The following MCMBP variants were observed in gnomAD, a reference collection of about 807,000 sequenced individuals.
The protein encoded by MCMBP is mini-chromosome maintenance complex-binding protein.
In MCMBP, 31 loss-of-function variants were observed where a neutral mutation model predicts 81.3. That is an observed-to-expected ratio of 0.38 (90% CI 0.29 to 0.51). The LOEUF (loss-of-function observed/expected upper bound fraction) is 0.51, where lower values mean the gene tolerates loss of function less well. Ranked by LOEUF, MCMBP falls within the 20% of genes least tolerant of loss-of-function variation. The pLI is 0.87. For synonymous variants in MCMBP, 267 were observed against 275.9 expected (o/e 0.97, Z 0.32); for missense variants, 645 against 772.1 (o/e 0.84, Z 1.95).
At chr10:119,843,498 G>C in intron 8 of MCMBP, 72 bp from the exon 9 acceptor site, 1 of 1,458,528 alleles carries the variant, frequency 6.9e-7, no homozygotes, top group Admixed American at 2.1e-5. Context: ...TGTGCATCTT[G>C]GAAAACAAAA....
chr10:119,852,410 G>A (rs12771459), intron 6 of MCMBP, among the ~76,000 whole-genome samples: 8,378 of 152,240 alleles, frequency 0.055, 423 homozygotes, highest in South Asian at 0.27. Flanking sequence ...GTGGTGGCTC[G>A]CGCCTGTTAT....
intron 2 of MCMBP, 47 bp from the exon 3 acceptor site, chr10:119,859,228 C>G: frequency 6.4e-7 from 1 of 1,563,362 alleles, no homozygotes; most frequent in Non-Finnish European, 8.7e-7. Context: ...CCTGTCTATA[C>G]AACATTAAGC....
chr10:119,852,763 C>A (rs556606962), intron 6 of MCMBP, among the ~76,000 whole-genome samples: 1 of 152,302 alleles, frequency 6.6e-6, no homozygotes, highest in East Asian at 1.9e-4. Context: ...GGTAAAGTAC[C>A]AGGCTTCTGT....
chr10:119,837,149 C>T, intron 12 of MCMBP, 120 bp from the exon 13 acceptor site: 2 of 1,022,660 alleles, frequency 2.0e-6, no homozygotes, highest in South Asian at 1.8e-5. Flanking sequence ...GTATGAGGCG[C>T]TGTCCAGTTT....
intron 12 of MCMBP, among the ~76,000 whole-genome samples, chr10:119,837,650 G>A (rs1476219941): frequency 3.9e-5 from 6 of 152,130 alleles, no homozygotes; most frequent in African/African-American, 1.4e-4. Flanking sequence ...CAGGCGTGAT[G>A]GCGGGTGCCT....
chr10:119,833,476 C>CAA (rs570174141), intron 14 of MCMBP, among the ~76,000 whole-genome samples: 1 of 85,136 alleles, frequency 1.2e-5, no homozygotes, highest in African/African-American at 4.3e-5. Flanking sequence ...CTCATCACTA[C>CAA]AAAAAAAAAA....
intron 15 of MCMBP, 102 bp from the exon 16 acceptor site, chr10:119,831,702 T>C: frequency 7.4e-7 from 1 of 1,353,304 alleles, no homozygotes; most frequent in Non-Finnish European, 1.0e-6. Flanking sequence ...CAGAGCACGT[T>C]AGGAGACAAG....
At chr10:119,872,481 C>A in intron 1 of MCMBP, 46 bp downstream of exon 1, 2 of 1,139,886 alleles carry the variant, frequency 1.8e-6, no homozygotes, top group Non-Finnish European at 2.2e-6. Flanking sequence ...CGGGGCCCGG[C>A]AAACTCGGCT....
Position 119,847,731 on chromosome 10 carries a change from G to A in MCMBP, c.727-18C>T, listed in dbSNP as rs1459830382. 1 of 1,415,734 alleles carries A rather than the reference G, an allele frequency of 7.1e-7. No homozygotes were observed. The highest frequency in any genetic ancestry group is 1.7e-5 in the Admixed American group (1 of 59,294). The allele number at this position is 1,415,734 out of a possible 1,614,324, so 87.7% of individuals were successfully genotyped here. A position where few individuals can be genotyped will look rare whatever the true frequency, so the allele number is the denominator to read the frequency against. ...TCATAAACCTAACAAGAGACCACAT[G>A]AAATCACACTGTTAGAACAGACACA... On this transcript the variant is annotated intron_variant, in intron 7 of 15. Coordinates refer to ENST00000369077, the MANE Select transcript of MCMBP (RefSeq NM_001256378.2).
At chr10:119,840,242 G>A (rs556835393) in intron 11 of MCMBP, among the ~76,000 whole-genome samples, 5 of 152,132 alleles carry the variant, frequency 3.3e-5, no homozygotes, top group African/African-American at 4.8e-5. Context: ...TGCTTCTTGA[G>A]GGCCTGGACG....
chr10:119,853,653 C>T lies in MCMBP; in HGVS notation c.430-459G>A, dbSNP rs75409832. Among the ~76,000 whole-genome samples the T allele has an allele frequency of 8.4e-3, 1,284 of 152,284 alleles. 15 individuals are homozygous for T. Among genetic ancestry groups the T allele is most frequent in the African/African-American group, 0.029 (1,197 of 41,558 alleles). The stretch of plus-strand genomic sequence containing the variant: ...AGAAGTACTAGAAAGGAAGTAGTTA[C>T]GGATAAAAGACCCTGAAGGTTCCAT... On this transcript the variant is annotated intron_variant, in intron 5 of 15. Coordinates refer to ENST00000369077, the MANE Select transcript of MCMBP (RefSeq NM_001256378.2).
At chr10:119,847,735 T>C in intron 7 of MCMBP, 22 bp from the exon 8 acceptor site, 1 of 1,404,076 alleles carries the variant, frequency 7.1e-7, no homozygotes, top group Non-Finnish European at 1.0e-6. Context: ...CCACATGAAA[T>C]CACACTGTTA....
chr10:119,847,443 G>A (rs561494538), intron 8 of MCMBP, among the ~76,000 whole-genome samples, 170 bp downstream of exon 8: 2 of 152,304 alleles, frequency 1.3e-5, no homozygotes, highest in South Asian at 4.2e-4. Context: ...AGAAAAATGT[G>A]TGCATAGAGA....
chr10:119,831,463 G>T lies in MCMBP; in HGVS notation c.*11C>A, dbSNP rs774053133. On this transcript the variant is annotated 3_prime_UTR_variant, in exon 16 of 16. Coordinates refer to ENST00000369077, the MANE Select transcript of MCMBP (RefSeq NM_001256378.2). ...ACAGTTTGCCCATTACTCTTCATAG[G>T]TATTACATCTTTAAAGTTCATTTCC... 6 of 1,613,624 alleles carry T rather than the reference G, an allele frequency of 3.7e-6. No homozygotes were observed. In the South Asian group the frequency reaches 5.5e-5, roughly 15 times the overall value.
Position 119,842,261 on chromosome 10 carries a change from A to C in MCMBP, c.1124+211T>G, listed in dbSNP as rs530564345. ...CACTGCTTTATCTGATTTTGGCTCT[A>C]AAATTTAAGGGGACATAATCAAAAT... is the stretch of plus-strand genomic sequence containing the variant. On this transcript the variant is annotated intron_variant, in intron 10 of 15. Transcript: ENST00000369077. 5.3e-5 allele frequency among the ~76,000 whole-genome samples: 8 copies of C among 152,066 alleles called. No homozygotes were observed. In the South Asian group the frequency reaches 1.5e-3, roughly 28 times the overall value.
At chr10:119,837,819 C>T (rs1852299801) in intron 12 of MCMBP, among the ~76,000 whole-genome samples, 1 of 152,106 alleles carries the variant, frequency 6.6e-6, no homozygotes, top group Non-Finnish European at 1.5e-5. Context: ...CTTTTCTACA[C>T]TTCCCTTTTG....
intron 1 of MCMBP, among the ~76,000 whole-genome samples, chr10:119,862,448 T>C (rs1424366415): frequency 3.3e-5 from 5 of 152,206 alleles, no homozygotes; most frequent in Admixed American, 3.3e-4. Context: ...AGTACAACTA[T>C]ACAGTGAATC....
intron 8 of MCMBP, among the ~76,000 whole-genome samples, chr10:119,845,705 T>TG (rs1291355079): frequency 6.6e-6 from 1 of 152,218 alleles, no homozygotes; most frequent in Non-Finnish European, 1.5e-5. Context: ...ACTACACAGC[T>TG]GCATTCTAAA....
At chr10:119,871,253 T>G (rs35226465) in intron 1 of MCMBP, among the ~76,000 whole-genome samples, 8,385 of 152,258 alleles carry the variant, frequency 0.055, 422 homozygotes, top group South Asian at 0.27. Context: ...TCGATTATCA[T>G]TTCTAGAATT....
Sources: allele counts gnomAD v4.1 joint callset (sites outside exome capture counted in the v4.1 genomes callset), GRCh38; gene constraint gnomAD v4.1.1; transcripts MANE v1.5; gene names NCBI Gene and HGNC (gene_info 2026-07-23, HGNC 2026-07-21).